The following PDE4D variants were observed in gnomAD, a reference collection of about 807,000 sequenced individuals.
The protein encoded by PDE4D is 3',5'-cyclic-AMP phosphodiesterase 4D.
Under a neutral mutation model 87.4 loss-of-function variants are expected in PDE4D, and 24 were observed. The observed-to-expected ratio is 0.27, with a 90% confidence interval of 0.20 to 0.39. PDE4D has a LOEUF of 0.39. PDE4D is among the 10% of genes least tolerant of loss of function. The probability of loss-of-function intolerance (pLI) is 1.00; values close to 1 mark genes in which losing one functional copy is unlikely to be tolerated. For synonymous variants in PDE4D, 384 were observed against 383.2 expected (o/e 1.00, Z -0.02); for missense variants, 714 against 1,041.0 (o/e 0.69, Z 4.32).
At chr5:59,323,194 T>C (rs1364178884) in intron 1 of PDE4D, among the ~76,000 whole-genome samples, 6 of 152,120 alleles carry the variant, frequency 3.9e-5, no homozygotes, top group Non-Finnish European at 7.4e-5. Flanking sequence ...CTAATCTTTT[T>C]ATGCAAGATT....
chr5:60,505,344 A>G (rs538808058), intron 1 of PDE4D, among the ~76,000 whole-genome samples: 3 of 152,306 alleles, frequency 2.0e-5, no homozygotes, highest in East Asian at 1.9e-4. Context: ...CATTTTCACC[A>G]TATCTCTTTG....
chr5:59,464,273 A>G (rs1801224191), intron 1 of PDE4D, among the ~76,000 whole-genome samples: 1 of 152,214 alleles, frequency 6.6e-6, no homozygotes, highest in Non-Finnish European at 1.5e-5. Context: ...GACAAGAGGA[A>G]GGCATCTGTC....
intron 1 of PDE4D, among the ~76,000 whole-genome samples, chr5:60,391,141 G>T (rs1264217440): frequency 6.6e-6 from 1 of 151,890 alleles, no homozygotes; most frequent in Admixed American, 6.6e-5. Flanking sequence ...TTTATGTCTT[G>T]TTTACTGTTT....
intron 1 of PDE4D, among the ~76,000 whole-genome samples, chr5:60,340,162 C>G (rs981247860): frequency 6.6e-6 from 1 of 151,520 alleles, no homozygotes; most frequent in Non-Finnish European, 1.5e-5. Flanking sequence ...GCCCACGGCG[C>G]GATGTTCAGG....
chr5:59,536,414 A>G (rs1815248340), intron 1 of PDE4D, among the ~76,000 whole-genome samples: 1 of 146,198 alleles, frequency 6.8e-6, no homozygotes. Context: ...CTGAGGCAAG[A>G]GAATGGCGTG....
intron 1 of PDE4D, among the ~76,000 whole-genome samples, chr5:59,773,987 T>C (rs1200527333): frequency 6.6e-6 from 1 of 152,172 alleles, no homozygotes; most frequent in African/African-American, 2.4e-5. Context: ...CAATAATTTA[T>C]CTAGACAGAG....
intron 1 of PDE4D, among the ~76,000 whole-genome samples, chr5:59,563,835 A>G (rs1820455526): frequency 6.6e-6 from 1 of 152,238 alleles, no homozygotes; most frequent in South Asian, 2.1e-4. Context: ...CACATTACAT[A>G]CATGAAAAGA....
At chr5:59,686,379 T>TA (rs1489488286) in intron 1 of PDE4D, among the ~76,000 whole-genome samples, 2 of 152,124 alleles carry the variant, frequency 1.3e-5, no homozygotes, top group Non-Finnish European at 2.9e-5. Context: ...TTAACTTGCC[T>TA]AAAGTCGCTC....
chr5:59,053,655 G>GTTTTTTTTTTT (rs1367942598), intron 5 of PDE4D, among the ~76,000 whole-genome samples: 14 of 74,910 alleles, frequency 1.9e-4, no homozygotes, highest in African/African-American at 6.0e-4. Flanking sequence ...GTTTTTTTTT[G>GTTTTTTTTTTT]TTGTTGTTTT....
chr5:59,156,320 A>AAAAAATATATATATAT (rs548335725), intron 5 of PDE4D, among the ~76,000 whole-genome samples: 3 of 81,780 alleles, frequency 3.7e-5, no homozygotes, highest in African/African-American at 1.5e-4. Flanking sequence ...AAAAAAAAAA[A>AAAAAATATATATATAT]ATATATATAT....
chr5:59,566,106 A>C (rs1434375312), intron 1 of PDE4D, among the ~76,000 whole-genome samples: 1 of 152,232 alleles, frequency 6.6e-6, no homozygotes, highest in Non-Finnish European at 1.5e-5. Flanking sequence ...AGGAAATGAA[A>C]GTGTTAGAAG....
In PDE4D at chr5:59,097,342, T is replaced by C. The variant is rs112103177; in HGVS notation, c.809-58371A>G. On this transcript the variant is annotated intron_variant, in intron 5 of 14. Coordinates refer to ENST00000340635, the MANE Select transcript of PDE4D (RefSeq NM_001104631.2). ...ACGTTTGTCTTCCTGACGATAGTTA[T>C]TGCATTCCAGAGAAGTACAATACGA... Among the ~76,000 whole-genome samples the C allele has an allele frequency of 5.6e-3, 856 of 152,334 alleles. 7 individuals carry two copies. The highest frequency in any genetic ancestry group is 0.02 in the African/African-American group (818 of 41,566).
rs142710337 is a variant in PDE4D at position 59,835,705 on chromosome 5, C to G, written c.455+57463G>C. On this transcript the variant is annotated intron_variant, in intron 1 of 14. Transcript: ENST00000340635. ...GTGACTACCTTTCTCAGGGTAGGTGCCCACAGAGGCAAGTTGCTTATCACT... is the reference window on the plus strand; with the variant it reads ...GTGACTACCTTTCTCAGGGTAGGTGGCCACAGAGGCAAGTTGCTTATCACT... 5.9e-5 allele frequency among the ~76,000 whole-genome samples: 9 copies of G among 152,048 alleles called. No individual in the cohort carries two copies. In the East Asian group the frequency reaches 1.7e-3, roughly 30 times the overall value.
At chr5:59,522,017 T>C (rs1042781132) in intron 1 of PDE4D, among the ~76,000 whole-genome samples, 2 of 152,200 alleles carry the variant, frequency 1.3e-5, no homozygotes, top group African/African-American at 4.8e-5. Context: ...TTCATTGAGA[T>C]TTAAAAAAAA....
At chr5:60,395,376 A>G (rs759143161) in intron 1 of PDE4D, among the ~76,000 whole-genome samples, 2 of 152,110 alleles carry the variant, frequency 1.3e-5, no homozygotes, top group Non-Finnish European at 2.9e-5. Flanking sequence ...GTTCATAATT[A>G]TATCTATTTA....
In PDE4D at chr5:58,989,888, G is replaced by T; in HGVS notation, c.1319C>A (p.Pro440Gln). 3 of 1,545,808 alleles carry T rather than the reference G, an allele frequency of 1.9e-6. No individual in the cohort carries two copies. The highest frequency in any genetic ancestry group is 2.7e-6 in the Non-Finnish European group (3 of 1,123,580). Reference protein sequence around the residue: ...ERDLLKTFKIPVDTLITYLMT... With the variant: ...ERDLLKTFKIQVDTLITYLMT... ...AAGATATGTAATTAAAGTATCTACT[G>T]GAATTTTAAATGTTTTTAATAAATC... is the stretch of plus-strand genomic sequence containing the variant. Residue 440 changes from proline to glutamine, a missense_variant, in exon 10 of 15, where the codon CCA becomes CAA. Pro to Gln is a moderately conservative substitution (Grantham distance 76). Around this residue, in one of 7 missense-constraint regions of PDE4D, gnomAD observed 141 missense variants for 204.3 expected, o/e 0.69. Coordinates refer to ENST00000340635, the MANE Select transcript of PDE4D (RefSeq NM_001104631.2).
chr5:59,982,149 C>A (rs1426667435), intron 3 of PDE4D, among the ~76,000 whole-genome samples: 2 of 152,104 alleles, frequency 1.3e-5, no homozygotes, highest in Non-Finnish European at 2.9e-5. Context: ...CTTTTACATT[C>A]TTTTCATTTT....
chr5:59,052,693 T>G (rs2153405235), intron 5 of PDE4D, among the ~76,000 whole-genome samples: 1 of 152,288 alleles, frequency 6.6e-6, no homozygotes. Context: ...TTTGGGCAAA[T>G]TAACTTCTCT....
intron 1 of PDE4D, among the ~76,000 whole-genome samples, chr5:59,291,025 C>T (rs1172375449): frequency 2.0e-5 from 3 of 151,946 alleles, no homozygotes; most frequent in Non-Finnish European, 4.4e-5. Context: ...AGTTTGAAGA[C>T]TCCTCAAAAG....
Sources: allele counts gnomAD v4.1 joint callset (sites outside exome capture counted in the v4.1 genomes callset), GRCh38; gene constraint gnomAD v4.1.1; regional missense constraint gnomAD v4.1.1; transcripts MANE v1.5; gene names NCBI Gene and HGNC (gene_info 2026-07-23, HGNC 2026-07-21).